The following RANBP17 variants were observed in gnomAD, a reference collection of about 807,000 sequenced individuals.
RANBP17 encodes RAN binding protein 17.
A neutral mutation model predicts 141.2 loss-of-function variants in RANBP17; 158 were observed. The observed-to-expected ratio is 1.12, with a 90% confidence interval of 0.98 to 1.28. RANBP17 has a LOEUF of 1.28. Ranked by LOEUF, RANBP17 falls within the 50% of genes most tolerant of loss-of-function variation. RANBP17 has a pLI of 0.00. For missense variants in RANBP17, 1,438 were observed against 1,290.7 expected (o/e 1.11, Z -1.75); for synonymous variants, 430 against 450.0 (o/e 0.96, Z 0.56).
rs1401392416 is a variant in RANBP17 at position 171,252,949 on chromosome 5, G to C, written c.2776+10129G>C. ...GACATCAGATATCTCAAAGAACTCT[G>C]AGTCTGGTTACATCCTTTTCTATCA... On this transcript the variant is annotated intron_variant, in intron 24 of 27. Transcript: ENST00000523189. 65 of 1,443,416 alleles carry C rather than the reference G, an allele frequency of 4.5e-5. No individual in the cohort carries two copies. The Admixed American group carries it at 1.1e-3, about 24-fold the overall frequency. The allele number at this position is 1,443,416 out of a possible 1,614,324, so 89.4% of individuals were successfully genotyped here.
In RANBP17 at chr5:171,088,994, C is replaced by T. The variant is rs372989056; in HGVS notation, c.1711-81136C>T. 5.5e-4 allele frequency among the ~76,000 whole-genome samples: 84 copies of T among 151,776 alleles called. 1 individual carries two copies. Among genetic ancestry groups the T allele is most frequent in the South Asian group, 1.9e-3 (9 of 4,794 alleles). The stretch of plus-strand genomic sequence containing the variant: ...AGTCATTCTCCATCCAGCTTTGTTC[C>T]GTTGCTGGTGAGGAACTGCGTTCCT... On this transcript the variant is annotated intron_variant, in intron 14 of 27. Coordinates refer to ENST00000523189, the MANE Select transcript of RANBP17 (RefSeq NM_022897.5).
chr5:170,938,595 A>G (rs1348381032), intron 12 of RANBP17, among the ~76,000 whole-genome samples: 5 of 152,228 alleles, frequency 3.3e-5, no homozygotes, highest in African/African-American at 4.8e-5. Flanking sequence ...AAATGAGCAC[A>G]TAACAGGAGT....
At chr5:171,106,262 A>G (rs1269926999) in intron 14 of RANBP17, among the ~76,000 whole-genome samples, 1 of 152,136 alleles carries the variant, frequency 6.6e-6, no homozygotes, top group African/African-American at 2.4e-5. Context: ...GACAGACAGG[A>G]GAGAGGAATC....
At chr5:171,162,662 C>T (rs1287230504) in intron 14 of RANBP17, among the ~76,000 whole-genome samples, 1 of 152,026 alleles carries the variant, frequency 6.6e-6, no homozygotes, top group African/African-American at 2.4e-5. Context: ...CTGACTTTTC[C>T]ACCTTCCTTA....
At chr5:171,292,543 C>T (rs1768553045) in intron 25 of RANBP17, among the ~76,000 whole-genome samples, 1 of 152,170 alleles carries the variant, frequency 6.6e-6, no homozygotes, top group Non-Finnish European at 1.5e-5. Context: ...CAACTGTGTT[C>T]CAAACAAGCC....
At chr5:170,890,275 T>C (rs912217295) in intron 3 of RANBP17, among the ~76,000 whole-genome samples, 2 of 152,216 alleles carry the variant, frequency 1.3e-5, no homozygotes, top group African/African-American at 4.8e-5. Context: ...GGAAGCAGTG[T>C]CATCTTCTTA....
intron 22 of RANBP17, among the ~76,000 whole-genome samples, chr5:171,223,760 A>T (rs1763715180): frequency 6.6e-6 from 1 of 152,216 alleles, no homozygotes; most frequent in Admixed American, 6.5e-5. Flanking sequence ...ATCTAATTCC[A>T]TTCTATGTTT....
At chr5:170,875,693 T>C (rs898022645) in intron 1 of RANBP17, among the ~76,000 whole-genome samples, 1 of 79,744 alleles carries the variant, frequency 1.3e-5, no homozygotes, top group African/African-American at 4.2e-5. Flanking sequence ...GTTATTCTAG[T>C]TAGCGCTCCT....
intron 14 of RANBP17, among the ~76,000 whole-genome samples, chr5:171,018,102 C>T (rs1229710243): frequency 6.6e-6 from 1 of 151,902 alleles, no homozygotes; most frequent in Non-Finnish European, 1.5e-5. Flanking sequence ...CTTTTCTGTT[C>T]CATTGGTCTG....
chr5:171,159,755 A>T (rs1759186843), intron 14 of RANBP17, among the ~76,000 whole-genome samples: 1 of 151,732 alleles, frequency 6.6e-6, no homozygotes, highest in African/African-American at 2.4e-5. Context: ...CCTCGTCTCT[A>T]CTAAAAAAAT....
At chr5:171,078,215 C>T (rs557035360) in intron 14 of RANBP17, among the ~76,000 whole-genome samples, 1 of 150,964 alleles carries the variant, frequency 6.6e-6, no homozygotes, top group East Asian at 1.9e-4. Flanking sequence ...TCACTGCAAC[C>T]TCTGCCTCCT....
intron 12 of RANBP17, among the ~76,000 whole-genome samples, chr5:170,929,397 T>C (rs1773164461): frequency 6.6e-6 from 1 of 152,150 alleles, no homozygotes. Context: ...TTGAGGAAGT[T>C]CTCTTCAATT....
At chr5:171,008,543 A>C (rs369800534) in intron 14 of RANBP17, among the ~76,000 whole-genome samples, 11 of 152,346 alleles carry the variant, frequency 7.2e-5, no homozygotes, top group African/African-American at 2.6e-4. Context: ...GATTATCATT[A>C]GTTCTTACAG....
chr5:171,081,509 T>C (rs897051830), intron 14 of RANBP17, among the ~76,000 whole-genome samples: 2 of 152,174 alleles, frequency 1.3e-5, no homozygotes, highest in African/African-American at 2.4e-5. Flanking sequence ...GTTTATAACA[T>C]AATAATCTTG....
At chr5:170,898,029 A>G (rs947881005) in intron 5 of RANBP17, among the ~76,000 whole-genome samples, 12 of 152,166 alleles carry the variant, frequency 7.9e-5, no homozygotes, top group African/African-American at 2.7e-4. Flanking sequence ...CCCATCAACA[A>G]TGTAAAAGCG....
At chr5:171,067,014 A>C (rs1388961781) in intron 14 of RANBP17, among the ~76,000 whole-genome samples, 2 of 152,104 alleles carry the variant, frequency 1.3e-5, no homozygotes, top group Non-Finnish European at 2.9e-5. Context: ...AATATAGGTT[A>C]TTTTAAGTTA....
chr5:171,233,073 G>A (rs1056770618), intron 22 of RANBP17, among the ~76,000 whole-genome samples: 1 of 152,140 alleles, frequency 6.6e-6, no homozygotes. Flanking sequence ...GGGCGCAGCT[G>A]CTCATGCCTG....
chr5:170,881,557 T>C (rs962099707), intron 2 of RANBP17, among the ~76,000 whole-genome samples: 1 of 152,220 alleles, frequency 6.6e-6, no homozygotes, highest in African/African-American at 2.4e-5. Flanking sequence ...TTCTCCTCTT[T>C]GCTTATTGTT....
intron 14 of RANBP17, among the ~76,000 whole-genome samples, chr5:171,088,396 T>G (rs1355031466): frequency 6.6e-6 from 1 of 152,278 alleles, no homozygotes; most frequent in East Asian, 1.9e-4. Flanking sequence ...GCCCTTAACA[T>G]TTTTTTCTGC....
Sources: gnomAD v4.1 joint callset for allele counts (sites outside exome capture counted in the v4.1 genomes callset) on GRCh38, gnomAD v4.1.1 for gene constraint, MANE v1.5 for transcripts, NCBI Gene and HGNC (gene_info 2026-07-23, HGNC 2026-07-21) for gene names.